Variants in ARHGEF11 observed in about 807,000 individuals in gnomAD.
The protein encoded by ARHGEF11 is Rho guanine exchange factor (GEF) 11.
Under a neutral mutation model 193.7 loss-of-function variants are expected in ARHGEF11, and 55 were observed. That is an observed-to-expected ratio of 0.28 (90% confidence interval 0.23 to 0.36). The LOEUF is 0.36. ARHGEF11 is among the 10% of genes least tolerant of loss of function. The probability of loss-of-function intolerance (pLI) is 1.00; values close to 1 mark genes in which losing one functional copy is unlikely to be tolerated. For missense variants in ARHGEF11, 1,723 were observed against 2,005.6 expected (o/e 0.86, Z 2.69); for synonymous variants, 693 against 768.0 (o/e 0.90, Z 1.62).
At chr1:156,941,731 T>G in intron 34 of ARHGEF11, 133 bp downstream of exon 34, 1 of 1,338,244 alleles carries the variant, frequency 7.5e-7, no homozygotes, top group Non-Finnish European at 1.0e-6. Context: ...TGCCAGCACT[T>G]GGAGCTGTCT....
In ARHGEF11 at chr1:156,978,413, G is replaced by C. The variant is rs751325449; in HGVS notation, c.332-31C>G. 19 of 1,560,252 alleles carry C rather than the reference G, an allele frequency of 1.2e-5. No individual in the cohort carries two copies. In the South Asian group the frequency reaches 2.1e-4, roughly 17 times the overall value. ...GGGAAACAGAGAGAGACTTGTTCCA[G>C]GAGTGCTGTTCTGGAGAGACAGTCC... On this transcript the variant is annotated intron_variant, in intron 5 of 40. Transcript: ENST00000368194.
At chr1:156,947,068 G>A (rs550931677) in intron 26 of ARHGEF11, 53 bp from the exon 27 acceptor site, 61 of 1,600,952 alleles carry the variant, frequency 3.8e-5, no homozygotes, top group Non-Finnish European at 4.7e-5. Context: ...TCAACTGCCA[G>A]AACCTTTCTG....
In ARHGEF11 at chr1:156,936,908, C is replaced by T. The variant is rs757365183; in HGVS notation, c.4538G>A (p.Arg1513Lys). The change falls in exon 40 of 41, where the codon AGA becomes AAA. Residue 1513 changes from arginine to lysine, a missense_variant. By Grantham distance (26) the Arg-to-Lys change is conservative. This residue lies in a region of ARHGEF11 where 360 missense variants were observed against 344.4 expected (regional missense o/e 1.05). Coordinates refer to ENST00000368194, the MANE Select transcript of ARHGEF11 (RefSeq NM_198236.3). ...PVGSFHTEAA[R>K]WTDGSLSPPA... ...AGGTGAGAGGGAGCCATCTGTCCAT[C>T]TAGCTGCTTCTGTGTGGAAACTGCC... 4 of 1,614,150 alleles carry T rather than the reference C, an allele frequency of 2.5e-6. No homozygotes were observed. The South Asian group carries it at 4.4e-5, about 18-fold the overall frequency.
chr1:156,945,249 C>A, intron 29 of ARHGEF11, 52 bp from the exon 30 acceptor site: 1 of 1,572,190 alleles, frequency 6.4e-7, no homozygotes, highest in Non-Finnish European at 8.7e-7. Context: ...AGAAGTCCAA[C>A]ATGGCGCCAG....
intron 6 of ARHGEF11, 29 bp downstream of exon 6, chr1:156,978,175 T>C: frequency 6.2e-7 from 1 of 1,613,752 alleles, no homozygotes; most frequent in Non-Finnish European, 8.5e-7. Flanking sequence ...GACATTAGGG[T>C]GAGGAAAGAA....
In ARHGEF11 at chr1:156,943,388, G is replaced by A. The variant is rs371270652; in HGVS notation, c.3235+547C>T. Among the ~76,000 whole-genome samples, 10 of 152,134 alleles carry A rather than the reference G, an allele frequency of 6.6e-5. No homozygotes were observed. The East Asian group carries it at 1.2e-3, about 18-fold the overall frequency. On this transcript the variant is annotated intron_variant, in intron 32 of 40. Coordinates refer to ENST00000368194, the MANE Select transcript of ARHGEF11 (RefSeq NM_198236.3). ...GGGTTTATAAAACTTTTTCATACCC[G>A]TCATCCCTTTTGATGCCCACAAGAG... is the stretch of plus-strand genomic sequence containing the variant.
intron 30 of ARHGEF11, 59 bp downstream of exon 30, chr1:156,944,953 AGTGTTCT>A (rs1388799959): frequency 6.4e-7 from 1 of 1,560,902 alleles, no homozygotes; most frequent in Non-Finnish European, 8.6e-7. Flanking sequence ...AGCCCTGACC[AGTGTTCT>A]GCTCCTAAGG....
At chr1:156,938,595 G>A in intron 37 of ARHGEF11, 82 bp from the exon 38 acceptor site, 1 of 1,384,828 alleles carries the variant, frequency 7.2e-7, no homozygotes, top group Non-Finnish European at 1.0e-6. Flanking sequence ...GAAGGAGAGA[G>A]GGCAGGAGGT....
chr1:156,940,879 C>T (rs1378185434), intron 35 of ARHGEF11, among the ~76,000 whole-genome samples: 1 of 152,138 alleles, frequency 6.6e-6, no homozygotes, highest in Non-Finnish European at 1.5e-5. Context: ...GCCAGGAAAC[C>T]CGAGATTTCT....
intron 17 of ARHGEF11, 56 bp from the exon 18 acceptor site, chr1:156,957,871 T>A (rs1189980978): frequency 1.6e-5 from 26 of 1,587,434 alleles, no homozygotes; most frequent in Non-Finnish European, 2.2e-5. Flanking sequence ...GCTGGTCACC[T>A]GGTTAGAGGC....
In ARHGEF11 at chr1:156,984,422, C is replaced by T; in HGVS notation, c.140G>A (p.Cys47Tyr). 1 of 1,592,576 alleles carries T rather than the reference C, an allele frequency of 6.3e-7. No individual in the cohort carries two copies. The highest frequency in any genetic ancestry group is 2.3e-5 in the East Asian group (1 of 44,424). ...ATGCTGGTCCTTTTGGATAATGACA[C>T]AGCGTTGAACGAGACCTGGAAGGCG... is the stretch of plus-strand genomic sequence containing the variant. ...ASETTGLVQR[C>Y]VIIQKDQHGF... Residue 47 changes from cysteine (C) to tyrosine (Y), a missense_variant, in exon 3 of 41, where the codon TGT (cysteine) becomes TAT (tyrosine). Physicochemically the swap from Cys to Tyr is radical, Grantham distance 194. Around this residue, in one of 5 missense-constraint regions of ARHGEF11, gnomAD observed 646 missense variants for 710.7 expected, o/e 0.91. Coordinates refer to ENST00000368194, the MANE Select transcript of ARHGEF11 (RefSeq NM_198236.3).
chr1:156,961,716 C>T lies in ARHGEF11; in HGVS notation c.1200G>A (p.Leu400=), dbSNP rs1444976048. 1 of 1,614,082 alleles carries T rather than the reference C, an allele frequency of 6.2e-7. No homozygotes were observed. The highest frequency in any genetic ancestry group is 8.5e-7 in the Non-Finnish European group (1 of 1,180,048). The part of the protein sequence containing the change: ...QQASPKDSRS[L]GKDIWNIFLE... Reference sequence around the variant, plus strand: ...GGAAAATATTCCAGATGTCTTTCCCCAAGCTTCGGGAATCCTTGGGGCTTG... The same window carrying T: ...GGAAAATATTCCAGATGTCTTTCCCTAAGCTTCGGGAATCCTTGGGGCTTG... Residue 400 remains leucine (L), a synonymous_variant, in exon 14 of 41, where the codon TTG becomes TTA. Transcript: ENST00000368194.
intron 1 of ARHGEF11, among the ~76,000 whole-genome samples, chr1:157,032,252 G>A (rs528763473): frequency 6.6e-6 from 1 of 152,268 alleles, no homozygotes; most frequent in Admixed American, 6.5e-5. Context: ...TCTGCTCCAA[G>A]GTATTCACCA....
Position 156,947,953 on chromosome 1 carries a change from G to T in ARHGEF11, c.2157C>A (p.Ser719Arg), listed in dbSNP as rs1361188495. Residue 719 changes from serine (S) to arginine (R), a missense_variant, in exon 25 of 41, where the codon AGC (serine) becomes AGA (arginine). Around this residue, in one of 5 missense-constraint regions of ARHGEF11, gnomAD observed 491 missense variants for 654.5 expected, o/e 0.75. Coordinates refer to ENST00000368194, the MANE Select transcript of ARHGEF11 (RefSeq NM_198236.3). The stretch of plus-strand genomic sequence containing the variant: ...AGAACCCCAAACTGGGGGACTCAAT[G>T]CTCCTGGGGGAAAACAGGCAGCTCA... The part of the protein sequence containing the change: ...PPFTPKMGRR[S>R]IESPSLGFCT... 1 of 1,612,418 alleles carries T rather than the reference G, an allele frequency of 6.2e-7. No individual in the cohort carries two copies. Among genetic ancestry groups the T allele is most frequent in the Non-Finnish European group, 8.5e-7 (1 of 1,178,658 alleles).
chr1:156,948,815 A>G lies in ARHGEF11; in HGVS notation c.1926-317T>C, dbSNP rs1658630340. On this transcript the variant is annotated intron_variant, in intron 22 of 40. Transcript: ENST00000368194. The surrounding 1 kb of genome is among the most constrained non-coding windows in gnomAD (Gnocchi z 4.2). ...AGACTCTGAGTTGTAGTGTGTCCAG[A>G]GGCCTGAGACACCATGCTTCTGTCA... is the stretch of plus-strand genomic sequence containing the variant. 1.0e-6 allele frequency: 1 copy of G among 985,306 alleles called. No individual in the cohort carries two copies. The highest frequency in any genetic ancestry group is 4.7e-5 in the South Asian group (1 of 21,290). 61.0% of individuals were successfully genotyped at this position (985,306 alleles called of 1,614,324 possible).
chr1:157,044,747 C>T lies in ARHGEF11; in HGVS notation c.-417G>A. The T allele has an allele frequency of 5.2e-6, 2 of 387,554 alleles. No homozygotes were observed. The highest frequency in any genetic ancestry group is 9.1e-6 in the Non-Finnish European group (2 of 220,114). 24.0% of individuals were successfully genotyped at this position (387,554 alleles called of 1,614,324 possible). A position where few individuals can be genotyped will look rare whatever the true frequency, so the allele number is the denominator to read the frequency against. ...TACAGATAAAACCATCCTTTAAATC[C>T]AGCTTTCTCAGCTGTCCTTCTGTTG... On this transcript the variant is annotated 5_prime_UTR_variant, in exon 1 of 41. Transcript: ENST00000368194.
At chr1:156,980,836 G>C (rs879503427) in intron 3 of ARHGEF11, among the ~76,000 whole-genome samples, 11 of 70,158 alleles carry the variant, frequency 1.6e-4, no homozygotes, top group South Asian at 6.2e-4. Flanking sequence ...TATATTCCGG[G>C]GGGGGGGGGG....
At chr1:156,969,617 C>T (rs1662235831) in intron 9 of ARHGEF11, among the ~76,000 whole-genome samples, 1 of 152,178 alleles carries the variant, frequency 6.6e-6, no homozygotes, top group Admixed American at 6.5e-5. Flanking sequence ...AATAAGACTC[C>T]ATAACTCTCT....
Position 156,948,369 on chromosome 1 carries a change from A to T in ARHGEF11, c.2055T>A (p.Ala685=). ...SDVDMDAAAE[A]TRLHQSASSS... ...ACGAGGCTGACTGGTGCAGGCGAGTAGCCTCCGCAGCAGCATCCATGTCAA... is the reference window on the plus strand; with the variant it reads ...ACGAGGCTGACTGGTGCAGGCGAGTTGCCTCCGCAGCAGCATCCATGTCAA... Residue 685 remains alanine (A), a synonymous_variant, in exon 23 of 41, where the codon GCT becomes GCA. Transcript: ENST00000368194. This position sits in a 1 kb window ranked among gnomAD's most constrained non-coding sequence, Gnocchi z 4.2. The T allele has an allele frequency of 1.2e-6, 2 of 1,614,260 alleles. No individual in the cohort carries two copies. Among genetic ancestry groups the T allele is most frequent in the Non-Finnish European group, 1.7e-6 (2 of 1,180,052 alleles).
Sources: gnomAD v4.1 joint callset for allele counts (sites outside exome capture counted in the v4.1 genomes callset) on GRCh38, gnomAD v4.1.1 for gene constraint, gnomAD v4.1.1 regional missense constraint, Gnocchi (gnomAD v3.1) non-coding constraint, MANE v1.5 for transcripts, NCBI Gene and HGNC (gene_info 2026-07-23, HGNC 2026-07-21) for gene names.